Variants in RBFOX1 observed in about 807,000 individuals in gnomAD.
RBFOX1 encodes RNA binding protein fox-1 homolog 1.
In RBFOX1, 8 loss-of-function variants were observed where a neutral mutation model predicts 57.7. The ratio of observed to expected loss-of-function variants is 0.14; its 90% confidence interval spans 0.08 to 0.25. RBFOX1 has a LOEUF of 0.25. Among genes scored for constraint, RBFOX1 ranks in the 10% least tolerant of loss-of-function variants. The pLI is 1.00. For synonymous variants in RBFOX1, 326 were observed against 222.4 expected (o/e 1.47, Z -4.15); for missense variants, 611 against 548.5 (o/e 1.11, Z -1.14).
intron 2 of RBFOX1, among the ~76,000 whole-genome samples, chr16:6,449,830 A>G (rs2094554428): frequency 6.6e-6 from 1 of 152,156 alleles, no homozygotes; most frequent in South Asian, 2.1e-4. Flanking sequence ...GCATGGCCCC[A>G]CTGCCCCCTG....
At chr16:6,649,961 T>G (rs532225027) in intron 2 of RBFOX1, among the ~76,000 whole-genome samples, 1 of 152,198 alleles carries the variant, frequency 6.6e-6, no homozygotes, top group South Asian at 2.1e-4. Flanking sequence ...TGAATTGTGC[T>G]GCTATAAAAG....
At chr16:6,729,682 T>C (rs1289513306) in intron 3 of RBFOX1, among the ~76,000 whole-genome samples, 1 of 152,102 alleles carries the variant, frequency 6.6e-6, no homozygotes, top group African/African-American at 2.4e-5. Context: ...ATATATGACC[T>C]CAGATTAGTT....
chr16:6,700,642 A>G (rs2110344), intron 3 of RBFOX1, among the ~76,000 whole-genome samples: 148,741 of 152,168 alleles, frequency 0.98, 72,766 homozygotes, highest in Middle Eastern at 1. Context: ...TGGGCAACAA[A>G]AACGAAACTT....
At chr16:7,297,275 G>C (rs1391588872) in intron 4 of RBFOX1, among the ~76,000 whole-genome samples, 1 of 152,214 alleles carries the variant, frequency 6.6e-6, no homozygotes, top group Admixed American at 6.5e-5. Flanking sequence ...CCCACCCTGT[G>C]AGATGGGTAA....
intron 4 of RBFOX1, among the ~76,000 whole-genome samples, chr16:7,476,810 A>G (rs560148814): frequency 2.0e-5 from 3 of 152,334 alleles, no homozygotes; most frequent in Non-Finnish European, 4.4e-5. Context: ...GCAAAGATGT[A>G]TGAGGCTGCA....
At chr16:7,309,836 G>A (rs140598976) in intron 4 of RBFOX1, among the ~76,000 whole-genome samples, 6 of 152,214 alleles carry the variant, frequency 3.9e-5, no homozygotes, top group African/African-American at 9.7e-5. Context: ...ATGTCATCCC[G>A]TGAAGGAAGC....
intron 4 of RBFOX1, among the ~76,000 whole-genome samples, chr16:7,275,083 G>A (rs879411771): frequency 6.6e-6 from 1 of 152,124 alleles, no homozygotes; most frequent in Non-Finnish European, 1.5e-5. Flanking sequence ...AGCGGGCAGG[G>A]TTCTGGATCC....
chr16:6,784,633 A>G (rs1157626355), intron 3 of RBFOX1, among the ~76,000 whole-genome samples: 1 of 151,680 alleles, frequency 6.6e-6, no homozygotes, highest in Admixed American at 6.6e-5. Flanking sequence ...TATTTAGTCC[A>G]TTTGGTGAGG....
At chr16:6,675,818 C>T (rs1467740750) in intron 3 of RBFOX1, among the ~76,000 whole-genome samples, 1 of 152,090 alleles carries the variant, frequency 6.6e-6, no homozygotes, top group Non-Finnish European at 1.5e-5. Flanking sequence ...CAATTATCTC[C>T]CACCAGGCCC....
chr16:6,037,894 C>T (rs8048168), intron 1 of RBFOX1: 5,368 of 152,258 alleles, frequency 0.035, 113 homozygotes, highest in Non-Finnish European at 0.055. Flanking sequence ...CACACCTGGC[C>T]TGTAGAATGC....
chr16:6,225,274 G>A (rs941238119), intron 1 of RBFOX1, among the ~76,000 whole-genome samples: 1 of 152,032 alleles, frequency 6.6e-6, no homozygotes, highest in Non-Finnish European at 1.5e-5. Flanking sequence ...TGAAAGCTTG[G>A]TATCAAAAGC....
intron 4 of RBFOX1, among the ~76,000 whole-genome samples, chr16:5,896,074 T>G (rs1351035926): frequency 6.6e-6 from 1 of 152,038 alleles, no homozygotes; most frequent in African/African-American, 2.4e-5. Flanking sequence ...GGAGATTTAT[T>G]GGGGAAGTGC....
intron 4 of RBFOX1, among the ~76,000 whole-genome samples, chr16:6,004,608 G>T (rs192179210): frequency 6.6e-6 from 1 of 152,270 alleles, no homozygotes; most frequent in Admixed American, 6.5e-5. Flanking sequence ...CATTTAACAT[G>T]CACTCTCAAA....
intron 4 of RBFOX1, among the ~76,000 whole-genome samples, chr16:7,394,262 A>G (rs1306745428): frequency 6.7e-6 from 1 of 148,904 alleles, no homozygotes; most frequent in African/African-American, 2.5e-5. Flanking sequence ...AAAAAAAAAA[A>G]AAGAGAGAAA....
chr16:5,571,974 T>C (rs972166531), intron 2 of RBFOX1, among the ~76,000 whole-genome samples: 1 of 152,202 alleles, frequency 6.6e-6, no homozygotes, highest in Non-Finnish European at 1.5e-5. Context: ...GACCTTTTCT[T>C]ATGTGGGGCC....
At chr16:6,085,106 G>A (rs981722492) in intron 1 of RBFOX1, among the ~76,000 whole-genome samples, 3 of 152,076 alleles carry the variant, frequency 2.0e-5, no homozygotes, top group Admixed American at 1.3e-4. Context: ...GGTGAGGGCG[G>A]GGAGTCTTTC....
intron 1 of RBFOX1, among the ~76,000 whole-genome samples, chr16:6,245,543 T>A (rs550951729): frequency 2.6e-5 from 4 of 152,132 alleles, no homozygotes; most frequent in Admixed American, 6.6e-5. Flanking sequence ...CAGTGCAACA[T>A]CTAGCAGGTT....
intron 4 of RBFOX1, among the ~76,000 whole-genome samples, chr16:7,315,841 G>T (rs952553843): frequency 3.9e-5 from 6 of 152,020 alleles, no homozygotes; most frequent in African/African-American, 9.7e-5. Context: ...TGTCTACATG[G>T]CACAAGACAG....
At chr16:6,220,684 A>G (rs1362314) in intron 1 of RBFOX1, among the ~76,000 whole-genome samples, 2 of 151,810 alleles carry the variant, frequency 1.3e-5, no homozygotes, top group African/African-American at 4.8e-5. Context: ...CTGTAGATGT[A>G]TTTTTCATTA....
Sources: allele counts gnomAD v4.1 joint callset (sites outside exome capture counted in the v4.1 genomes callset), GRCh38; gene constraint gnomAD v4.1.1; transcripts MANE v1.5; gene names NCBI Gene and HGNC (gene_info 2026-07-23, HGNC 2026-07-21).